Variants in NEO1 observed in about 807,000 individuals in gnomAD.
NEO1 encodes neogenin.
In NEO1, 63 loss-of-function variants were observed where a neutral mutation model predicts 159.7. That is an observed-to-expected ratio of 0.39 (90% CI 0.32 to 0.49). NEO1 has a LOEUF of 0.49. Among genes scored for constraint, NEO1 ranks in the 20% least tolerant of loss-of-function variants. NEO1 has a pLI of 0.85. For synonymous variants in NEO1, 633 were observed against 662.0 expected, an observed-to-expected ratio of 0.96 and a Z score of 0.67; for missense variants, 1,615 against 1,831.0, an observed-to-expected ratio of 0.88 and a Z score of 2.15.
intron 5 of NEO1, among the ~76,000 whole-genome samples, chr15:73,138,751 G>A (rs1469506832): frequency 3.8e-5 from 5 of 131,020 alleles, no homozygotes; most frequent in South Asian, 2.4e-4. Context: ...GCGAGACTCC[G>A]TCTCAAAAAA....
At chr15:73,257,786 G>A (rs2040439170) in intron 13 of NEO1, among the ~76,000 whole-genome samples, 1 of 152,218 alleles carries the variant, frequency 6.6e-6, no homozygotes, top group South Asian at 2.1e-4. Flanking sequence ...GACAGGGAAT[G>A]ATTGGTTGGA....
At chr15:73,063,551 G>A (rs1439637934) in intron 1 of NEO1, among the ~76,000 whole-genome samples, 1 of 152,126 alleles carries the variant, frequency 6.6e-6, no homozygotes, top group African/African-American at 2.4e-5. Context: ...GTTTAGTTTG[G>A]GATATTCAGC....
chr15:73,159,440 G>C (rs12050658), intron 5 of NEO1, among the ~76,000 whole-genome samples: 41,709 of 151,722 alleles, frequency 0.27, 7,282 homozygotes, highest in Non-Finnish European at 0.39. Flanking sequence ...GTTGGGTCCT[G>C]TTAGTACAGT....
At chr15:73,135,650 T>C (rs991584198) in intron 4 of NEO1, among the ~76,000 whole-genome samples, 1 of 152,086 alleles carries the variant, frequency 6.6e-6, no homozygotes, top group African/African-American at 2.4e-5. Context: ...TAACTAGAAG[T>C]GTCAGGGATA....
At chr15:73,286,086 C>CACCCCG (rs60252255) in intron 23 of NEO1, among the ~76,000 whole-genome samples, 1 of 146,350 alleles carries the variant, frequency 6.8e-6, no homozygotes, top group Non-Finnish European at 1.5e-5. Flanking sequence ...CCCCCACCCC[C>CACCCCG]TGTATGGTCC....
At chr15:73,282,515 A>G (rs890252144) in intron 22 of NEO1, among the ~76,000 whole-genome samples, 2 of 152,242 alleles carry the variant, frequency 1.3e-5, no homozygotes, top group African/African-American at 4.8e-5. Context: ...ATAATCTCAG[A>G]TATCTGCCTG....
intron 18 of NEO1, among the ~76,000 whole-genome samples, chr15:73,270,911 A>AGATGACT (rs1300631354): frequency 2.0e-5 from 3 of 152,240 alleles, no homozygotes; most frequent in Non-Finnish European, 4.4e-5. Context: ...GAGAGGGAAA[A>AGATGACT]GATGACTAAG....
At chr15:73,096,803 A>G (rs1350539354) in intron 1 of NEO1, among the ~76,000 whole-genome samples, 1 of 152,098 alleles carries the variant, frequency 6.6e-6, no homozygotes, top group Non-Finnish European at 1.5e-5. Flanking sequence ...ATCTTAAAAA[A>G]TCTTCAAAGA....
chr15:73,218,447 A>C (rs934696473), intron 7 of NEO1, among the ~76,000 whole-genome samples: 1 of 151,994 alleles, frequency 6.6e-6, no homozygotes, highest in Non-Finnish European at 1.5e-5. Flanking sequence ...TCATAAAATG[A>C]GTTAGGGAGG....
intron 23 of NEO1, among the ~76,000 whole-genome samples, chr15:73,287,679 G>A (rs553143929): frequency 6.6e-6 from 1 of 152,102 alleles, no homozygotes; most frequent in Non-Finnish European, 1.5e-5. Context: ...TCAGGAATTC[G>A]AGAACAGCCT....
At chr15:73,241,964 A>G (rs571217464) in intron 8 of NEO1, among the ~76,000 whole-genome samples, 1 of 152,316 alleles carries the variant, frequency 6.6e-6, no homozygotes, top group Non-Finnish European at 1.5e-5. Context: ...CAAGATTTAC[A>G]TATCAGAAGG....
At chr15:73,292,485 CAGAAA>C (rs1311261252) in intron 25 of NEO1, among the ~76,000 whole-genome samples, 1 of 152,162 alleles carries the variant, frequency 6.6e-6, no homozygotes, top group African/African-American at 2.4e-5. Flanking sequence ...GGGAGTTCCT[CAGAAA>C]AGTTTATTCT....
At chr15:73,096,418 T>A (rs1167461240) in intron 1 of NEO1, among the ~76,000 whole-genome samples, 1 of 152,246 alleles carries the variant, frequency 6.6e-6, no homozygotes, top group Admixed American at 6.5e-5. Flanking sequence ...ACCAGTACAA[T>A]GTTGAAGACA....
At chr15:73,219,934 A>T (rs2038136529) in intron 7 of NEO1, among the ~76,000 whole-genome samples, 1 of 151,068 alleles carries the variant, frequency 6.6e-6, no homozygotes, top group African/African-American at 2.4e-5. Context: ...TTTAAAGTTA[A>T]TATTGTTATG....
chr15:73,074,657 T>G (rs1269277169), intron 1 of NEO1, among the ~76,000 whole-genome samples: 1 of 152,210 alleles, frequency 6.6e-6, no homozygotes, highest in Non-Finnish European at 1.5e-5. Context: ...TTTGAAGTAG[T>G]ATAGGCACAT....
At chr15:73,184,850 C>A (rs2035828089) in intron 7 of NEO1, among the ~76,000 whole-genome samples, 1 of 152,100 alleles carries the variant, frequency 6.6e-6, no homozygotes, top group African/African-American at 2.4e-5. Context: ...ATCACTTGAA[C>A]CCGGGAGGCG....
At chr15:73,142,854 C>G (rs1043134199) in intron 5 of NEO1, among the ~76,000 whole-genome samples, 1 of 152,292 alleles carries the variant, frequency 6.6e-6, no homozygotes, top group African/African-American at 2.4e-5. Flanking sequence ...CTTATAACCT[C>G]CCCCCACAAC....
chr15:73,152,233 T>C (rs1475611957), intron 5 of NEO1, among the ~76,000 whole-genome samples: 2 of 152,234 alleles, frequency 1.3e-5, no homozygotes, highest in East Asian at 3.8e-4. Flanking sequence ...AGAATCTCTC[T>C]GATCTTCTCC....
intron 7 of NEO1, among the ~76,000 whole-genome samples, chr15:73,212,646 T>C (rs575980354): frequency 6.6e-6 from 1 of 152,226 alleles, no homozygotes; most frequent in South Asian, 2.1e-4. Context: ...TTTCCACTTC[T>C]AGCAATTTGT....
Sources: allele counts gnomAD v4.1 joint callset (sites outside exome capture counted in the v4.1 genomes callset), GRCh38; gene constraint gnomAD v4.1.1; transcripts MANE v1.5; gene names NCBI Gene and HGNC (gene_info 2026-07-23, HGNC 2026-07-21).